SLC30A10: variants seen among roughly 807,000 people sequenced by gnomAD.
SLC30A10 encodes solute carrier family 30 member 10.
SLC30A10 carries 8 observed loss-of-function variants against 21.7 expected under a neutral mutation model. The observed-to-expected ratio is 0.37, with a 90% CI of 0.22 to 0.67. The LOEUF (loss-of-function observed/expected upper bound fraction) is 0.67. Ranked by LOEUF, SLC30A10 falls within the 30% of genes least tolerant of loss-of-function variation. SLC30A10 has a pLI of 0.58. For missense variants in SLC30A10, 521 were observed against 642.5 expected (o/e 0.81, Z 2.04); for synonymous variants, 272 against 279.4 (o/e 0.97, Z 0.26).
intron 1 of SLC30A10, among the ~76,000 whole-genome samples, chr1:219,957,959 C>T (rs1034825704): frequency 6.6e-6 from 1 of 152,194 alleles, no homozygotes; most frequent in African/African-American, 2.4e-5. Flanking sequence ...TCAAACAGAA[C>T]AGACGTATGC....
intron 2 of SLC30A10, among the ~76,000 whole-genome samples, chr1:219,926,010 A>ATT (rs1015218766): frequency 4.6e-5 from 7 of 151,228 alleles, no homozygotes; most frequent in African/African-American, 1.7e-4. Context: ...ATAAAGGATG[A>ATT]TTTTTTTTTC....
intron 1 of SLC30A10, among the ~76,000 whole-genome samples, chr1:219,937,958 G>T (rs534575768): frequency 1.3e-5 from 2 of 152,130 alleles, no homozygotes; most frequent in South Asian, 4.1e-4. Context: ...AGCCACCGGA[G>T]TTCTGACAGT....
At position 219,913,034 on chromosome 1, in the gene SLC30A10, G is replaced by A. The variant is rs1008488640; in HGVS notation, c.*2415C>T. 6.6e-6 allele frequency among the ~76,000 whole-genome samples: 1 copy of A among 152,172 alleles called. No homozygotes were observed. Among genetic ancestry groups the A allele is most frequent in the African/African-American group, 2.4e-5 (1 of 41,430 alleles). Reference sequence around the variant, plus strand: ...GCCACCAAGCAGGGCTGATTTAAAGGGAAAAAGAAAACTCTTGTATTTCCT... The same window carrying A: ...GCCACCAAGCAGGGCTGATTTAAAGAGAAAAAGAAAACTCTTGTATTTCCT... On this transcript the variant is annotated 3_prime_UTR_variant, in exon 4 of 4. Transcript: ENST00000366926.
chr1:219,915,982 G>A (rs1005827684), intron 3 of SLC30A10, 34 bp from the exon 4 acceptor site: 1 of 1,590,218 alleles, frequency 6.3e-7, no homozygotes, highest in Non-Finnish European at 8.6e-7. Flanking sequence ...AAGCCAAGGT[G>A]AGCGCTGCAT....
intron 1 of SLC30A10, among the ~76,000 whole-genome samples, chr1:219,955,709 T>C (rs530281764): frequency 3.9e-5 from 6 of 152,314 alleles, no homozygotes; most frequent in African/African-American, 1.4e-4. Flanking sequence ...TGAAGGCTTG[T>C]TAAGCAAAAT....
intron 1 of SLC30A10, among the ~76,000 whole-genome samples, chr1:219,953,953 G>A (rs936135571): frequency 6.6e-6 from 1 of 151,752 alleles, no homozygotes; most frequent in Non-Finnish European, 1.5e-5. Flanking sequence ...TGATCTGCCC[G>A]CCTCAGCCTC....
upstream of SLC30A10, among the ~76,000 whole-genome samples, chr1:219,930,618 C>T (rs1571805121): frequency 6.6e-6 from 1 of 152,226 alleles, no homozygotes; most frequent in East Asian, 1.9e-4. Flanking sequence ...TCCCACCTTA[C>T]ACCAGATAAG....
intron 1 of SLC30A10, among the ~76,000 whole-genome samples, chr1:219,954,674 C>A (rs1468443652): frequency 2.1e-5 from 2 of 95,728 alleles, no homozygotes; most frequent in South Asian, 8.5e-4. Context: ...GAGTGAGACT[C>A]CATCTCAAAA....
intron 1 of SLC30A10, among the ~76,000 whole-genome samples, chr1:219,937,724 A>C (rs1660065197): frequency 6.6e-6 from 1 of 152,228 alleles, no homozygotes; most frequent in African/African-American, 2.4e-5. Flanking sequence ...TGAGCACAAG[A>C]ATCGCTTGAA....
In SLC30A10 at chr1:219,910,723, G is replaced by A. The variant is rs895420882; in HGVS notation, c.*4726C>T. On this transcript the variant is annotated 3_prime_UTR_variant, in exon 4 of 4. Transcript: ENST00000366926. ...CTCTCCCTTGAAAATCATCCTTTCC[G>A]GATTGTTCTCATTAGAGTGCAGAGT... Among the ~76,000 whole-genome samples the A allele has an allele frequency of 8.5e-5, 13 of 152,112 alleles. No homozygotes were observed. Among genetic ancestry groups the A allele is most frequent in the African/African-American group, 2.7e-4 (11 of 41,420 alleles).
At chr1:219,957,358 T>A (rs1660367353) in intron 1 of SLC30A10, among the ~76,000 whole-genome samples, 1 of 152,096 alleles carries the variant, frequency 6.6e-6, no homozygotes, top group African/African-American at 2.4e-5. Flanking sequence ...AGACAGGGAA[T>A]CAAATAAAAA....
At chr1:219,955,861 T>G (rs1660342519) in intron 1 of SLC30A10, among the ~76,000 whole-genome samples, 1 of 152,224 alleles carries the variant, frequency 6.6e-6, no homozygotes, top group South Asian at 2.1e-4. Flanking sequence ...TTATCCTAAG[T>G]TTAGGTTGAA....
chr1:219,925,651 A>ATATATATATATATATATAT (rs1317554458), intron 2 of SLC30A10, among the ~76,000 whole-genome samples: 9 of 48,286 alleles, frequency 1.9e-4, no homozygotes, highest in African/African-American at 9.4e-4. Flanking sequence ...ATATATATAT[A>ATATATATATATATATATAT]TTTTTTTTTT....
intron 1 of SLC30A10, among the ~76,000 whole-genome samples, chr1:219,949,054 A>G (rs1571813477): frequency 6.6e-6 from 1 of 151,922 alleles, no homozygotes; most frequent in African/African-American, 2.4e-5. Context: ...CAAAACCACA[A>G]TGAGATACCA....
upstream of SLC30A10, among the ~76,000 whole-genome samples, chr1:219,959,092 C>CA (rs1376299791): frequency 6.6e-6 from 1 of 152,220 alleles, no homozygotes. Context: ...GCTATAGATT[C>CA]AGTGATTACA....
At chr1:219,917,694 C>A (rs1258897865) in intron 3 of SLC30A10, among the ~76,000 whole-genome samples, 1 of 133,784 alleles carries the variant, frequency 7.5e-6, no homozygotes. Context: ...GCATTCTTTT[C>A]TTTTTTTTCT....
rs930403288 is a variant in SLC30A10 at position 219,912,353 on chromosome 1, T to C, written c.*3096A>G. Among the ~76,000 whole-genome samples the C allele has an allele frequency of 6.6e-6, 1 of 152,086 alleles. No homozygotes were observed. Among genetic ancestry groups the C allele is most frequent in the Non-Finnish European group, 1.5e-5 (1 of 68,016 alleles). ...TATCATGAAAAAAATTAATTATATT[T>C]TCAAAAACAATGTTGAGAGTCAGAA... On this transcript the variant is annotated 3_prime_UTR_variant, in exon 4 of 4. Coordinates refer to ENST00000366926, the MANE Select transcript of SLC30A10 (RefSeq NM_018713.3).
intron 1 of SLC30A10, among the ~76,000 whole-genome samples, chr1:219,949,089 C>G (rs1355731894): frequency 3.3e-5 from 5 of 152,072 alleles, no homozygotes; most frequent in African/African-American, 1.2e-4. Context: ...GAATGGCAAT[C>G]ATTAAAAAGT....
chr1:219,958,827 T>G (rs1660385589), upstream of SLC30A10, among the ~76,000 whole-genome samples: 1 of 152,112 alleles, frequency 6.6e-6, no homozygotes, highest in African/African-American at 2.4e-5. Flanking sequence ...TCTTGTGCTG[T>G]TTTATGTTAC....
Sources: gnomAD v4.1 joint callset for allele counts (sites outside exome capture counted in the v4.1 genomes callset) on GRCh38, gnomAD v4.1.1 for gene constraint, MANE v1.5 for transcripts, NCBI Gene and HGNC (gene_info 2026-07-23, HGNC 2026-07-21) for gene names.